RSPO2: variants seen among roughly 807,000 people sequenced by gnomAD.
RSPO2 encodes R-spondin 2.
Under a neutral mutation model 30.9 loss-of-function variants are expected in RSPO2, and 14 were observed. The observed-to-expected ratio is 0.45, with a 90% CI of 0.30 to 0.71. The LOEUF (loss-of-function observed/expected upper bound fraction) is 0.71. Among genes scored for constraint, RSPO2 ranks in the 30% least tolerant of loss-of-function variants. RSPO2 has a pLI of 0.08. For missense variants in RSPO2, 264 were observed against 301.9 expected (o/e 0.87, Z 0.93); for synonymous variants, 107 against 96.4 (o/e 1.11, Z -0.64).
At chr8:108,010,220 G>A (rs1278878150) in intron 2 of RSPO2, among the ~76,000 whole-genome samples, 1 of 152,196 alleles carries the variant, frequency 6.6e-6, no homozygotes, top group African/African-American at 2.4e-5. Flanking sequence ...CCATGAGTCA[G>A]CAGCAGAGTG....
At chr8:108,074,930 C>T (rs1214356200) in intron 2 of RSPO2, among the ~76,000 whole-genome samples, 3 of 152,196 alleles carry the variant, frequency 2.0e-5, no homozygotes, top group East Asian at 1.9e-4. Context: ...TTCATACTTA[C>T]AGAACTTGTT....
intron 5 of RSPO2, among the ~76,000 whole-genome samples, chr8:107,936,243 C>T (rs1301643365): frequency 1.3e-5 from 2 of 152,100 alleles, no homozygotes; most frequent in Non-Finnish European, 2.9e-5. Context: ...TAATGACCTC[C>T]AGTTTTAACC....
At chr8:107,917,933 T>C (rs1353781621) in intron 5 of RSPO2, among the ~76,000 whole-genome samples, 1 of 152,134 alleles carries the variant, frequency 6.6e-6, no homozygotes, top group Non-Finnish European at 1.5e-5. Context: ...CTTCAAAAGG[T>C]GGTTTAGAAT....
chr8:108,071,784 G>C (rs1812854215), intron 2 of RSPO2, among the ~76,000 whole-genome samples: 1 of 152,142 alleles, frequency 6.6e-6, no homozygotes, highest in South Asian at 2.1e-4. Context: ...CAAGAAGCAA[G>C]TATCAAAATA....
intron 5 of RSPO2, among the ~76,000 whole-genome samples, chr8:107,953,150 A>G (rs963206551): frequency 2.0e-5 from 3 of 152,188 alleles, no homozygotes; most frequent in Non-Finnish European, 4.4e-5. Flanking sequence ...CAGAAGGAAA[A>G]AAACATGCCA....
At chr8:108,044,479 T>C (rs565224851) in intron 2 of RSPO2, among the ~76,000 whole-genome samples, 1 of 152,202 alleles carries the variant, frequency 6.6e-6, no homozygotes, top group East Asian at 1.9e-4. Context: ...TTTCTGTCTC[T>C]GCATTAACTC....
chr8:107,908,962 CAG>C (rs1018632132), intron 5 of RSPO2, among the ~76,000 whole-genome samples: 145 of 152,236 alleles, frequency 9.5e-4, no homozygotes, highest in Middle Eastern at 6.8e-3. Context: ...ACTTCTGGTG[CAG>C]AAAGTCACAT....
intron 5 of RSPO2, among the ~76,000 whole-genome samples, chr8:107,948,428 T>G (rs1813134784): frequency 6.6e-6 from 1 of 152,218 alleles, no homozygotes; most frequent in South Asian, 2.1e-4. Flanking sequence ...AAACATTTAC[T>G]CAAAATCTCC....
At chr8:107,981,800 G>C (rs1334060232) in intron 3 of RSPO2, among the ~76,000 whole-genome samples, 1 of 151,854 alleles carries the variant, frequency 6.6e-6, no homozygotes, top group Non-Finnish European at 1.5e-5. Flanking sequence ...TTAGAAACCA[G>C]CCAACATGGC....
intron 5 of RSPO2, among the ~76,000 whole-genome samples, chr8:107,911,974 G>C (rs1230653194): frequency 6.6e-6 from 1 of 152,072 alleles, no homozygotes; most frequent in Non-Finnish European, 1.5e-5. Flanking sequence ...GATCCCTGAT[G>C]GGCCTGGCCT....
intron 5 of RSPO2, among the ~76,000 whole-genome samples, chr8:107,937,946 T>C (rs1002693054): frequency 1.3e-5 from 2 of 152,142 alleles, no homozygotes; most frequent in African/African-American, 4.8e-5. Flanking sequence ...AAATGGGGTA[T>C]ATATAAATAT....
intron 2 of RSPO2, among the ~76,000 whole-genome samples, chr8:108,036,017 G>C (rs1488995506): frequency 6.6e-6 from 1 of 151,952 alleles, no homozygotes; most frequent in African/African-American, 2.4e-5. Context: ...TGTCCTCCAA[G>C]TATTAGACAG....
At chr8:107,987,268 T>C (rs16877057) in intron 3 of RSPO2, among the ~76,000 whole-genome samples, 4,132 of 152,306 alleles carry the variant, frequency 0.027, 148 homozygotes, top group African/African-American at 0.081. Context: ...ATCATTATAA[T>C]AGCCTTCCTT....
At chr8:108,022,669 T>G (rs1281073225) in intron 2 of RSPO2, among the ~76,000 whole-genome samples, 1 of 152,156 alleles carries the variant, frequency 6.6e-6, no homozygotes, top group African/African-American at 2.4e-5. Flanking sequence ...CTCATGCCTG[T>G]AATCTCAGCA....
chr8:108,036,800 G>A (rs887722835), intron 2 of RSPO2, among the ~76,000 whole-genome samples: 12 of 152,116 alleles, frequency 7.9e-5, no homozygotes, highest in Admixed American at 5.2e-4. Flanking sequence ...TCACATTTTG[G>A]TAATGCTTGC....
At chr8:107,945,168 G>C (rs1268830386) in intron 5 of RSPO2, among the ~76,000 whole-genome samples, 1 of 150,770 alleles carries the variant, frequency 6.6e-6, no homozygotes, top group Admixed American at 6.6e-5. Context: ...TTCTGGAATG[G>C]CCAATCTATG....
intron 3 of RSPO2, among the ~76,000 whole-genome samples, chr8:107,964,380 T>G (rs1021119828): frequency 6.6e-6 from 1 of 152,186 alleles, no homozygotes; most frequent in Non-Finnish European, 1.5e-5. Context: ...TAGCTGAGAT[T>G]ACAGGCATCA....
At chr8:108,070,140 C>T (rs981934579) in intron 2 of RSPO2, among the ~76,000 whole-genome samples, 1 of 152,146 alleles carries the variant, frequency 6.6e-6, no homozygotes. Context: ...AACAATGATG[C>T]AGAAGCATAT....
intron 2 of RSPO2, among the ~76,000 whole-genome samples, chr8:108,060,212 G>C (rs746986543): frequency 9.2e-5 from 14 of 151,632 alleles, no homozygotes; most frequent in South Asian, 2.1e-4. Flanking sequence ...GAGAGAAGAA[G>C]GCTTCAGACG....
Sources: allele counts gnomAD v4.1 joint callset (sites outside exome capture counted in the v4.1 genomes callset), GRCh38; gene constraint gnomAD v4.1.1; transcripts MANE v1.5; gene names NCBI Gene and HGNC (gene_info 2026-07-23, HGNC 2026-07-21).